Variants in NELL1 observed in about 807,000 individuals in gnomAD.
NELL1 encodes the protein protein kinase C-binding protein NELL1.
NELL1 carries 76 observed loss-of-function variants against 107.4 expected under a neutral mutation model. That is an observed-to-expected ratio of 0.71 (90% CI 0.59 to 0.86). The LOEUF is 0.86. NELL1 is among the 40% of genes least tolerant of loss of function. The probability of loss-of-function intolerance (pLI) is 0.00; values close to 1 mark genes in which losing one functional copy is unlikely to be tolerated. For missense variants in NELL1, 1,024 were observed against 1,005.5 expected, an observed-to-expected ratio of 1.02 and a Z score of -0.25; for synonymous variants, 353 against 341.2, an observed-to-expected ratio of 1.03 and a Z score of -0.38.
chr11:21,192,588 A>G (rs533661002), intron 13 of NELL1, among the ~76,000 whole-genome samples: 1 of 151,984 alleles, frequency 6.6e-6, no homozygotes, highest in East Asian at 1.9e-4. Flanking sequence ...TGTTATATTA[A>G]CAGATATATT....
At chr11:21,161,942 A>ATTTTTTT (rs1590693801) in intron 13 of NELL1, among the ~76,000 whole-genome samples, 1 of 70,900 alleles carries the variant, frequency 1.4e-5, no homozygotes, top group Non-Finnish European at 2.8e-5. Context: ...TGGGAACATA[A>ATTTTTTT]TCTTTTTTTT....
intron 11 of NELL1, among the ~76,000 whole-genome samples, chr11:20,955,120 A>T (rs1851144319): frequency 6.6e-6 from 1 of 152,226 alleles, no homozygotes; most frequent in African/African-American, 2.4e-5. Context: ...GAGACACGTG[A>T]TGCCTAAAAG....
rs565014503 is a variant in NELL1 at position 20,705,152 on chromosome 11, GA to G, written c.184+27098del. Among the ~76,000 whole-genome samples the G allele has an allele frequency of 8.8e-3, 1,345 of 152,152 alleles. 8 individuals carry two copies. Among genetic ancestry groups the G allele is most frequent in the Middle Eastern group, 0.031 (9 of 294 alleles). On this transcript the variant is annotated intron_variant, in intron 2 of 19. Coordinates refer to ENST00000357134, the MANE Select transcript of NELL1 (RefSeq NM_006157.5). ...ACCAATGGCTTTCTTCACAGAAATG[GA>G]AAAAACTACTTTAAAGTTCATATGG... is the stretch of plus-strand genomic sequence containing the variant.
intron 14 of NELL1, among the ~76,000 whole-genome samples, chr11:21,318,808 A>G (rs1467302482): frequency 2.6e-5 from 4 of 152,092 alleles, no homozygotes; most frequent in African/African-American, 4.8e-5. Context: ...TATTTCTGCT[A>G]GGAGTAAATC....
At chr11:21,380,041 T>TG (rs779292132) in intron 15 of NELL1, among the ~76,000 whole-genome samples, 2 of 152,082 alleles carry the variant, frequency 1.3e-5, no homozygotes, top group Non-Finnish European at 2.9e-5. Flanking sequence ...CAAGGGCATC[T>TG]GGGGGGAGAA....
chr11:20,805,910 T>A lies in NELL1; in HGVS notation c.335+22080T>A, dbSNP rs190728515. Among the ~76,000 whole-genome samples, 610 of 152,332 alleles carry A rather than the reference T, an allele frequency of 4.0e-3. 1 individual carries two copies. The highest frequency in any genetic ancestry group is 5.7e-3 in the Non-Finnish European group (387 of 68,032). On this transcript the variant is annotated intron_variant, in intron 3 of 19. Transcript: ENST00000357134. Reference sequence around the variant, plus strand: ...AACTTCATCCTCTCACTTTTTATCTTGCTTTGTTTTATTTATATCTTATTG... The same window carrying A: ...AACTTCATCCTCTCACTTTTTATCTAGCTTTGTTTTATTTATATCTTATTG...
intron 14 of NELL1, among the ~76,000 whole-genome samples, chr11:21,305,502 T>G (rs866252704): frequency 6.6e-6 from 1 of 152,030 alleles, no homozygotes; most frequent in South Asian, 2.1e-4. Flanking sequence ...AATGCAGCAG[T>G]GTGTTTTTCA....
intron 14 of NELL1, among the ~76,000 whole-genome samples, chr11:21,243,905 G>A (rs903153238): frequency 6.6e-6 from 1 of 152,046 alleles, no homozygotes; most frequent in Non-Finnish European, 1.5e-5. Context: ...TCTCTGGAGA[G>A]GCAGCAGGGC....
At chr11:20,691,014 G>A (rs1854451303) in intron 2 of NELL1, among the ~76,000 whole-genome samples, 1 of 151,952 alleles carries the variant, frequency 6.6e-6, no homozygotes, top group Admixed American at 6.6e-5. Flanking sequence ...TTTTAAGTTG[G>A]ATTCCTAAGT....
intron 15 of NELL1, among the ~76,000 whole-genome samples, chr11:21,457,012 C>A (rs1371631411): frequency 6.6e-6 from 1 of 151,832 alleles, no homozygotes; most frequent in Non-Finnish European, 1.5e-5. Flanking sequence ...ACCACCCTGA[C>A]ATAATACTTC....
chr11:21,410,428 G>GA (rs1159865932), intron 15 of NELL1, among the ~76,000 whole-genome samples: 3 of 152,046 alleles, frequency 2.0e-5, no homozygotes, highest in Non-Finnish European at 4.4e-5. Flanking sequence ...GAAAGCAGAG[G>GA]AGAGAAGAGA....
chr11:21,465,159 G>T (rs1159277363), intron 15 of NELL1, among the ~76,000 whole-genome samples: 1 of 152,068 alleles, frequency 6.6e-6, no homozygotes, highest in Middle Eastern at 3.2e-3. Context: ...TTGAGGAGGT[G>T]ATATAGGGGC....
intron 2 of NELL1, among the ~76,000 whole-genome samples, chr11:20,756,293 G>A (rs1856285212): frequency 6.6e-6 from 1 of 152,014 alleles, no homozygotes; most frequent in Non-Finnish European, 1.5e-5. Context: ...GATGATAGTT[G>A]CACTAGAGCA....
chr11:20,711,673 A>C (rs1424392341), intron 2 of NELL1, among the ~76,000 whole-genome samples: 1 of 151,860 alleles, frequency 6.6e-6, no homozygotes. Context: ...TTCTTGGCTG[A>C]TAATTATTTT....
intron 2 of NELL1, among the ~76,000 whole-genome samples, chr11:20,748,833 G>T (rs1012238964): frequency 4.0e-5 from 6 of 151,728 alleles, no homozygotes; most frequent in South Asian, 4.2e-4. Flanking sequence ...ACTTAGGTTG[G>T]TTCCATGTCT....
chr11:20,675,256 A>G (rs1331197521), intron 1 of NELL1, among the ~76,000 whole-genome samples: 1 of 152,222 alleles, frequency 6.6e-6, no homozygotes, highest in African/African-American at 2.4e-5. Flanking sequence ...GTTTACTCCC[A>G]TTGTAGTGGA....
intron 17 of NELL1, among the ~76,000 whole-genome samples, chr11:21,569,528 T>C (rs559954577): frequency 6.6e-6 from 1 of 151,880 alleles, no homozygotes; most frequent in East Asian, 2.0e-4. Context: ...AAGGCAACTA[T>C]GACAGTGAAA....
intron 15 of NELL1, among the ~76,000 whole-genome samples, chr11:21,529,959 G>C (rs79296039): frequency 0.012 from 1,852 of 152,170 alleles, 41 homozygotes; most frequent in East Asian, 0.077. Flanking sequence ...TGTCTCTAAA[G>C]TCTATATTTA....
At chr11:20,948,950 CT>C (rs200827438) in intron 11 of NELL1, among the ~76,000 whole-genome samples, 27 of 150,992 alleles carry the variant, frequency 1.8e-4, no homozygotes, top group African/African-American at 4.4e-4. Context: ...TCATATTTTG[CT>C]TTTTTTTTCC....
Sources: gnomAD v4.1 joint callset for allele counts (sites outside exome capture counted in the v4.1 genomes callset) on GRCh38, gnomAD v4.1.1 for gene constraint, MANE v1.5 for transcripts, NCBI Gene and HGNC (gene_info 2026-07-23, HGNC 2026-07-21) for gene names.